Variants in CMPK2 observed in about 807,000 individuals in gnomAD.
CMPK2 encodes the protein cytidine/uridine monophosphate kinase 2, also known as UMP-CMP kinase 2, mitochondrial.
In CMPK2, 32 loss-of-function variants were observed where a neutral mutation model predicts 33.4. That is an observed-to-expected ratio of 0.96 (90% CI 0.72 to 1.29). The LOEUF (loss-of-function observed/expected upper bound fraction) is 1.29, where lower values mean the gene tolerates loss of function less well. CMPK2 is among the 50% of genes most tolerant of loss of function. The pLI is 0.00. For missense variants in CMPK2, 672 were observed against 616.0 expected, an observed-to-expected ratio of 1.09 and a Z score of -0.96; for synonymous variants, 299 against 275.3, an observed-to-expected ratio of 1.09 and a Z score of -0.85.
chr2:6,865,225 G>A lies in CMPK2; in HGVS notation c.472C>T (p.Arg158Cys), dbSNP rs764387528. The change falls in exon 1 of 5, where the codon CGC (arginine) becomes TGC (cysteine). Residue 158 changes from arginine to cysteine, a missense_variant. By Grantham distance (180) the Arg-to-Cys change is radical. Coordinates refer to ENST00000256722, the MANE Select transcript of CMPK2 (RefSeq NM_207315.4). ...GCCTCGAACTCGCCCAAGTGCGGGC[G>A]TGGTGCCTCCTGACAGGCGCCCAGC... ...ELLGACQEAP[R>C]PHLGEFEADP... The A allele has an allele frequency of 1.3e-6, 2 of 1,535,776 alleles. No homozygotes were observed. Among genetic ancestry groups the A allele is most frequent in the Middle Eastern group, 1.7e-4 (1 of 5,874 alleles).
Position 6,865,198 on chromosome 2 carries a change from C to G in CMPK2, c.499G>C (p.Asp167His), listed in dbSNP as rs1572146375. 2 of 1,532,136 alleles carry G rather than the reference C, an allele frequency of 1.3e-6. No homozygotes were observed. The highest frequency in any genetic ancestry group is 8.7e-7 in the Non-Finnish European group (1 of 1,143,632). The allele number at this position is 1,532,136 out of a possible 1,614,324, so 94.9% of individuals were successfully genotyped here. A position where few individuals can be genotyped will look rare whatever the true frequency, so the allele number is the denominator to read the frequency against. ...PRPHLGEFEA[D>H]PRGQLWQRLW... ...CGCTGCCACAGCTGGCCGCGCGGGTCGGCCTCGAACTCGCCCAAGTGCGGG... is the reference window on the plus strand; with the variant it reads ...CGCTGCCACAGCTGGCCGCGCGGGTGGGCCTCGAACTCGCCCAAGTGCGGG... The change falls in exon 1 of 5, where the codon GAC becomes CAC. Residue 167 changes from aspartate to histidine, a missense_variant. Physicochemically the swap from Asp to His is moderately conservative, Grantham distance 81. Coordinates refer to ENST00000256722, the MANE Select transcript of CMPK2 (RefSeq NM_207315.4).
rs1274415664 is a variant in CMPK2, at chr2:6,840,710, C to T, written c.993-32G>A. The T allele has an allele frequency of 1.0e-5, 7 of 701,248 alleles. No individual in the cohort carries two copies. The African/African-American group carries it at 1.0e-4, about 11-fold the overall frequency. The allele number at this position is 701,248 out of a possible 1,614,324, so 43.4% of individuals were successfully genotyped here. ...AGGGGAAAAGAGAGGAAAAATCCTT[C>T]ACCAGTACCAAGTCTCCTTGGTAGA... On this transcript the variant is annotated intron_variant, in intron 3 of 3. Transcript: ENST00000458098.
chr2:6,865,649 C>T lies in CMPK2; in HGVS notation c.48G>A (p.Leu16=). 7.4e-7 allele frequency: 1 copy of T among 1,344,318 alleles called. No individual in the cohort carries two copies. 83.3% of individuals were successfully genotyped at this position (1,344,318 alleles called of 1,614,324 possible). A position where few individuals can be genotyped will look rare whatever the true frequency, so the allele number is the denominator to read the frequency against. Residue 16 remains leucine (L), a synonymous_variant, in exon 1 of 5, where the codon CTG becomes CTA. Coordinates refer to ENST00000256722, the MANE Select transcript of CMPK2 (RefSeq NM_207315.4). ...CAGCGCAGACCCCGCGCCGCCCGAG[C>T]AGCGGCCCCGACAGTGGCCCGCGCA... ...RLLRGPLSGP[L]LGRRGVCAGA... is the part of the protein sequence containing the mutation.
chr2:6,857,145 G>C (rs1558324897), intron 3 of CMPK2, among the ~76,000 whole-genome samples: 1 of 152,150 alleles, frequency 6.6e-6, no homozygotes, highest in Non-Finnish European at 1.5e-5. Context: ...TCACCAACTG[G>C]AGGGGAGTAA....
chr2:6,851,189 A>G, intron 4 of CMPK2: 1 of 1,286,998 alleles, frequency 7.8e-7, no homozygotes, highest in Non-Finnish European at 9.9e-7. Context: ...TGTCTTACCC[A>G]GGTGCAGCTG....
At chr2:6,840,687 G>C (rs1473134742) in intron 3 of CMPK2, 9 of 701,812 alleles carry the variant, frequency 1.3e-5, no homozygotes, top group Non-Finnish European at 2.3e-5. Context: ...ACCTAGAGAG[G>C]GGAAAAGAGA....
chr2:6,857,639 C>CTTTTTTT (rs59168059), intron 3 of CMPK2, among the ~76,000 whole-genome samples: 1 of 131,728 alleles, frequency 7.6e-6, no homozygotes, highest in Non-Finnish European at 1.6e-5. Flanking sequence ...CTTTTCTTTT[C>CTTTTTTT]TTTTTTTTTT....
chr2:6,863,526 C>T lies in CMPK2; in HGVS notation c.728G>A (p.Cys243Tyr). 1 of 1,614,168 alleles carries T rather than the reference C, an allele frequency of 6.2e-7. No homozygotes were observed. Among genetic ancestry groups the T allele is most frequent in the African/African-American group, 1.3e-5 (1 of 75,050 alleles). The change falls in exon 2 of 5, where the codon TGC becomes TAC. Residue 243 changes from cysteine (C) to tyrosine (Y), a missense_variant. Coordinates refer to ENST00000256722, the MANE Select transcript of CMPK2 (RefSeq NM_207315.4). ...CTTTCCTTTCTGGATCTGTTTTGGGCACTGGTCGACCAGGTCAAGCACTGC... is the reference window on the plus strand; with the variant it reads ...CTTTCCTTTCTGGATCTGTTTTGGGTACTGGTCGACCAGGTCAAGCACTGC... Reference protein sequence around the residue: ...ARAVLDLVDQCPKQIQKGKFQ... With the variant: ...ARAVLDLVDQYPKQIQKGKFQ...
chr2:6,861,116 ACACACACACACC>A (rs780945479), intron 3 of CMPK2, 56 bp downstream of exon 3: 117,411 of 900,406 alleles, frequency 0.13, 2,203 homozygotes, highest in East Asian at 0.23. Context: ...ACACACACAC[ACACACACACACC>A]CACACACTTA....
At chr2:6,855,504 T>G (rs932791685) in intron 3 of CMPK2, among the ~76,000 whole-genome samples, 2 of 152,152 alleles carry the variant, frequency 1.3e-5, no homozygotes, top group African/African-American at 4.8e-5. Context: ...AGGTACGTCT[T>G]TATAGCAGTG....
intron 3 of CMPK2, among the ~76,000 whole-genome samples, chr2:6,858,012 A>G (rs976472444): frequency 1.1e-4 from 17 of 152,170 alleles, no homozygotes; most frequent in African/African-American, 3.6e-4. Context: ...CATTCTATGA[A>G]TGGCCTACAA....
chr2:6,865,729 C>T lies in CMPK2; in HGVS notation c.-33G>A, dbSNP rs1572147384. ...TCAGCGACGCCGCCCTCGGCCCCGC[C>T]TCGGAAACGAAACCTGGCGGGAGCC... On this transcript the variant is annotated 5_prime_UTR_variant, in exon 1 of 5. Coordinates refer to ENST00000256722, the MANE Select transcript of CMPK2 (RefSeq NM_207315.4). The T allele has an allele frequency of 1.6e-6, 2 of 1,281,210 alleles. No homozygotes were observed. The highest frequency in any genetic ancestry group is 9.8e-7 in the Non-Finnish European group (1 of 1,015,676). The allele number at this position is 1,281,210 out of a possible 1,614,324, so 79.4% of individuals were successfully genotyped here. A position where few individuals can be genotyped will look rare whatever the true frequency, so the allele number is the denominator to read the frequency against.
rs533220880 is a variant in CMPK2, at chr2:6,850,556, C to A, written c.1227-583G>T. ...TGGATCGTCTGCATTCACAACTCTGCCTGACCACTTCCTAGCCAAGTGAAT... is the reference window on the plus strand; with the variant it reads ...TGGATCGTCTGCATTCACAACTCTGACTGACCACTTCCTAGCCAAGTGAAT... On this transcript the variant is annotated intron_variant, in intron 4 of 4. Transcript: ENST00000256722. 4.1e-3 allele frequency: 728 copies of A among 179,306 alleles called. 5 individuals are homozygous for A. The highest frequency in any genetic ancestry group is 0.011 in the Admixed American group (161 of 15,318). The allele number at this position is 179,306 out of a possible 1,614,324, so 11.1% of individuals were successfully genotyped here.
intron 2 of CMPK2, 148 bp from the exon 3 acceptor site, chr2:6,861,533 G>T: frequency 1.5e-6 from 1 of 667,882 alleles, no homozygotes. Context: ...AGACCCATAG[G>T]AAGTTAGGAT....
At chr2:6,864,902 A>G (rs1207521873) in intron 1 of CMPK2, 120 bp downstream of exon 1, 1 of 1,291,614 alleles carries the variant, frequency 7.7e-7, no homozygotes, top group Non-Finnish European at 9.9e-7. Context: ...TGATTTGTGA[A>G]CGGAAATAAA....
chr2:6,865,626 G>T lies in CMPK2; in HGVS notation c.71C>A (p.Ala24Asp). 2 of 1,372,100 alleles carry T rather than the reference G, an allele frequency of 1.5e-6. No individual in the cohort carries two copies. Among genetic ancestry groups the T allele is most frequent in the Non-Finnish European group, 1.9e-6 (2 of 1,064,974 alleles). 85.0% of individuals were successfully genotyped at this position (1,372,100 alleles called of 1,614,324 possible). Residue 24 changes from alanine (A) to aspartate (D), a missense_variant, in exon 1 of 5, where the codon GCT becomes GAT. Coordinates refer to ENST00000256722, the MANE Select transcript of CMPK2 (RefSeq NM_207315.4). ...GPLLGRRGVCAGAMAPPRRFV... is the reference protein window; with the variant it reads ...GPLLGRRGVCDGAMAPPRRFV... ...GCGGCGCGGCGGAGCCATGGCCCCA[G>T]CGCAGACCCCGCGCCGCCCGAGCAG...
In CMPK2 at chr2:6,865,571, C is replaced by T. The variant is rs1446306288; in HGVS notation, c.126G>A (p.Leu42=). Residue 42 remains leucine (L), a synonymous_variant, in exon 1 of 5, where the codon CTG becomes CTA. Transcript: ENST00000256722. ...CGTCGGCGCCTAGGGCGAAGTGAGC[C>T]AGGGTGCAGTCGGGAAGCTCCAGGA... ...RFVLELPDCT[L]AHFALGADAP... 3 of 1,368,090 alleles carry T rather than the reference C, an allele frequency of 2.2e-6. No individual in the cohort carries two copies. Among genetic ancestry groups the T allele is most frequent in the South Asian group, 3.3e-5 (2 of 60,164 alleles). The allele number at this position is 1,368,090 out of a possible 1,614,324, so 84.7% of individuals were successfully genotyped here. A position where few individuals can be genotyped will look rare whatever the true frequency, so the allele number is the denominator to read the frequency against.
chr2:6,851,387 C>T, intron 4 of CMPK2, 63 bp downstream of exon 4: 1 of 1,607,402 alleles, frequency 6.2e-7, no homozygotes, highest in South Asian at 1.1e-5. Flanking sequence ...AAAGCCAGTG[C>T]CAGTGGTTCA....
chr2:6,865,386 C>T lies in CMPK2; in HGVS notation c.311G>A (p.Arg104His). Residue 104 changes from arginine (R) to histidine (H), a missense_variant, in exon 1 of 5, where the codon CGC becomes CAC. Arg to His is a conservative substitution (Grantham distance 29, BLOSUM62 0). Transcript: ENST00000256722. ...CAGCTGGCACCGCTGGAAGGGGCCG[C>T]GGCGCAGCTGGTGCAGCAGGCGCTG... ...LHQRLLHQLR[R>H]GPFQRCQLLR... 7.3e-7 allele frequency: 1 copy of T among 1,374,082 alleles called. No homozygotes were observed. The highest frequency in any genetic ancestry group is 9.3e-7 in the Non-Finnish European group (1 of 1,073,200). The allele number at this position is 1,374,082 out of a possible 1,614,324, so 85.1% of individuals were successfully genotyped here.
Sources: allele counts gnomAD v4.1 joint callset (sites outside exome capture counted in the v4.1 genomes callset), GRCh38; gene constraint gnomAD v4.1.1; transcripts MANE v1.5; gene names NCBI Gene and HGNC (gene_info 2026-07-23, HGNC 2026-07-21).